Variants in COL4A3 observed in about 807,000 individuals in gnomAD.
COL4A3 encodes collagen type IV alpha 3 chain.
In COL4A3, 135 loss-of-function variants were observed where a neutral mutation model predicts 217.4. The observed-to-expected ratio is 0.62, with a 90% CI of 0.54 to 0.72. The LOEUF is 0.72. Ranked by LOEUF, COL4A3 falls within the 30% of genes least tolerant of loss-of-function variation. The pLI is 0.00. For missense variants in COL4A3, 1,868 were observed against 2,119.9 expected (o/e 0.88, Z 2.33); for synonymous variants, 690 against 736.3 (o/e 0.94, Z 1.02).
At chr2:227,169,354 T>C (rs1280597607) in intron 1 of COL4A3, 2 of 151,004 alleles carry the variant, frequency 1.3e-5, no homozygotes, top group African/African-American at 2.4e-5. Context: ...TAAACATACG[T>C]GTGCATGTGT....
intron 3 of COL4A3, among the ~76,000 whole-genome samples, chr2:227,243,905 T>C (rs2069169208): frequency 6.6e-6 from 1 of 152,200 alleles, no homozygotes; most frequent in African/African-American, 2.4e-5. Context: ...TGTAGTTGTG[T>C]CATTCATTTT....
intron 24 of COL4A3, among the ~76,000 whole-genome samples, chr2:227,270,470 CTTG>C (rs557465821): frequency 3.7e-4 from 57 of 152,224 alleles, no homozygotes; most frequent in Non-Finnish European, 7.2e-4. Flanking sequence ...TTCAAAGAGG[CTTG>C]TTAAAATTTA....
At chr2:227,194,095 A>AGAAGGAAG (rs139091191) in intron 1 of COL4A3, among the ~76,000 whole-genome samples, 38 of 102,592 alleles carry the variant, frequency 3.7e-4, no homozygotes, top group Non-Finnish European at 5.4e-4. Flanking sequence ...GAGGGAGGAA[A>AGAAGGAAG]GAAGGAAGGA....
chr2:227,221,838 A>G (rs2067803684), intron 1 of COL4A3, among the ~76,000 whole-genome samples: 1 of 151,962 alleles, frequency 6.6e-6, no homozygotes, highest in Non-Finnish European at 1.5e-5. Flanking sequence ...AAATGATACC[A>G]CTTCTAGATT....
chr2:227,240,237 G>A lies in COL4A3; in HGVS notation c.234+5G>A. On this transcript the variant is annotated splice_donor_5th_base_variant and intron_variant, in intron 3 of 51. Coordinates refer to ENST00000396578, the MANE Select transcript of COL4A3 (RefSeq NM_000091.5). ...CCTGGACCGCAGGGACCCAAGGTAT[G>A]TCATCCTGCAAGCTTGGAAAATCCC... 4 of 1,606,250 alleles carry A rather than the reference G, an allele frequency of 2.5e-6. No individual in the cohort carries two copies. Among genetic ancestry groups the A allele is most frequent in the Non-Finnish European group, 3.4e-6 (4 of 1,176,338 alleles).
chr2:227,301,779 T>G (rs2073296356), intron 43 of COL4A3: 1 of 152,228 alleles, frequency 6.6e-6, no homozygotes. Context: ...CAACATGCCC[T>G]TTTTCATAGT....
intron 1 of COL4A3, among the ~76,000 whole-genome samples, chr2:227,193,150 T>A (rs1278616166): frequency 6.6e-6 from 1 of 152,192 alleles, no homozygotes; most frequent in African/African-American, 2.4e-5. Flanking sequence ...CAAGGATACA[T>A]CTTCATTCCC....
intron 21 of COL4A3, chr2:227,266,004 G>T (rs1370398764): frequency 4.9e-6 from 1 of 203,804 alleles, no homozygotes; most frequent in Non-Finnish European, 1.0e-5. Context: ...ACTATTACAA[G>T]AACAGCATGA....
rs374326623 is a variant in COL4A3, at chr2:227,253,676, C to G, written c.765+38C>G. 1.3e-6 allele frequency: 2 copies of G among 1,545,154 alleles called. No individual in the cohort carries two copies. The highest frequency in any genetic ancestry group is 1.7e-5 in the Admixed American group (1 of 59,918). ...TTTTATGATTAGTGTTGTGCCTTCC[C>G]GTGTCTAGGATGAAGTCCTTGTGAC... On this transcript the variant is annotated intron_variant, in intron 13 of 51. Coordinates refer to ENST00000396578, the MANE Select transcript of COL4A3 (RefSeq NM_000091.5). This position sits in a 1 kb window ranked among gnomAD's most constrained non-coding sequence, Gnocchi z 4.4.
rs527574252 is a variant in COL4A3 at position 227,208,435 on chromosome 2, C to G, written c.88-29533C>G. On this transcript the variant is annotated intron_variant, in intron 1 of 51. Coordinates refer to ENST00000396578, the MANE Select transcript of COL4A3 (RefSeq NM_000091.5). ...ACCCTGCACTCAATGGATCAGCTAA[C>G]CCCACCCAGACCTGTAATCTGGTCC... Among the ~76,000 whole-genome samples, 7 of 152,196 alleles carry G rather than the reference C, an allele frequency of 4.6e-5. No individual in the cohort carries two copies. In the East Asian group the frequency reaches 1.4e-3, roughly 29 times the overall value.
At chr2:227,268,025 C>T (rs1275397033) in intron 23 of COL4A3, among the ~76,000 whole-genome samples, 2 of 152,132 alleles carry the variant, frequency 1.3e-5, no homozygotes, top group Non-Finnish European at 2.9e-5. Context: ...TTCCTCTGCC[C>T]CTCGGGCCAC....
intron 1 of COL4A3, among the ~76,000 whole-genome samples, chr2:227,207,054 C>G (rs1167363009): frequency 1.3e-5 from 2 of 152,214 alleles, no homozygotes; most frequent in Admixed American, 6.5e-5. Flanking sequence ...GATATGTACT[C>G]CAGAGGAAAT....
At chr2:227,310,695 C>T in intron 50 of COL4A3, 81 bp from the exon 51 acceptor site, 1 of 1,159,768 alleles carries the variant, frequency 8.6e-7, no homozygotes, top group Non-Finnish European at 1.3e-6. Flanking sequence ...GTTGCCCATT[C>T]ATTCAAAAAA....
chr2:227,238,616 TTTTC>T (rs1388425100), intron 2 of COL4A3, among the ~76,000 whole-genome samples: 2 of 152,170 alleles, frequency 1.3e-5, no homozygotes, highest in African/African-American at 2.4e-5. Flanking sequence ...ACTAAAGTTT[TTTTC>T]TTTGTTTACC....
At chr2:227,227,452 T>C (rs1322724613) in intron 1 of COL4A3, among the ~76,000 whole-genome samples, 1 of 151,846 alleles carries the variant, frequency 6.6e-6, no homozygotes, top group East Asian at 1.9e-4. Context: ...CATTTGAACC[T>C]GGGAGGCAGA....
At chr2:227,244,094 C>T (rs2069180368) in intron 3 of COL4A3, among the ~76,000 whole-genome samples, 1 of 152,058 alleles carries the variant, frequency 6.6e-6, no homozygotes, top group Non-Finnish European at 1.5e-5. Context: ...GCTGCAGGCC[C>T]CAAACCCCAC....
chr2:227,282,130 T>G lies in COL4A3; in HGVS notation c.2489-235T>G, dbSNP rs1479450578. 6.6e-6 allele frequency among the ~76,000 whole-genome samples: 1 copy of G among 151,800 alleles called. No individual in the cohort carries two copies. The highest frequency in any genetic ancestry group is 1.5e-5 in the Non-Finnish European group (1 of 67,942). On this transcript the variant is annotated intron_variant, in intron 31 of 51. Coordinates refer to ENST00000396578, the MANE Select transcript of COL4A3 (RefSeq NM_000091.5). This position sits in a 1 kb window ranked among gnomAD's most constrained non-coding sequence, Gnocchi z 4.4. ...CTATTAAAAATACAAAACTTAGCTA[T>G]GCATTATGGTGCACGCCTGTAGTCC...
chr2:227,228,971 G>A (rs1439120615), intron 1 of COL4A3, among the ~76,000 whole-genome samples: 1 of 152,132 alleles, frequency 6.6e-6, no homozygotes, highest in Non-Finnish European at 1.5e-5. Flanking sequence ...GGGCTTACCT[G>A]TGCTAACCAA....
intron 1 of COL4A3, among the ~76,000 whole-genome samples, chr2:227,188,463 G>A (rs1348749958): frequency 6.6e-6 from 1 of 151,710 alleles, no homozygotes; most frequent in Non-Finnish European, 1.5e-5. Context: ...CCACCGAGAG[G>A]GATATCCGGT....
Sources: allele counts gnomAD v4.1 joint callset (sites outside exome capture counted in the v4.1 genomes callset), GRCh38; gene constraint gnomAD v4.1.1; non-coding constraint Gnocchi (gnomAD v3.1); transcripts MANE v1.5; gene names NCBI Gene and HGNC (gene_info 2026-07-23, HGNC 2026-07-21).